PLEKHA5: variants seen among roughly 807,000 people sequenced by gnomAD.
PLEKHA5 encodes pleckstrin homology domain-containing family A member 5.
Under a neutral mutation model 181.9 loss-of-function variants are expected in PLEKHA5, and 55 were observed. That is an observed-to-expected ratio of 0.30 (90% CI 0.24 to 0.38). PLEKHA5 has a LOEUF of 0.38. Among genes scored for constraint, PLEKHA5 ranks in the 10% least tolerant of loss-of-function variants. The pLI is 1.00. For synonymous variants in PLEKHA5, 535 were observed against 529.4 expected, an observed-to-expected ratio of 1.01 and a Z score of -0.15; for missense variants, 1,432 against 1,549.5, an observed-to-expected ratio of 0.92 and a Z score of 1.27.
chr12:19,189,818 T>C (rs1423174184), intron 3 of PLEKHA5, among the ~76,000 whole-genome samples: 1 of 152,174 alleles, frequency 6.6e-6, no homozygotes, highest in Non-Finnish European at 1.5e-5. Context: ...ATAACTCCTT[T>C]CTGAAAAACT....
intron 3 of PLEKHA5, among the ~76,000 whole-genome samples, chr12:19,188,308 C>T (rs964410009): frequency 6.6e-6 from 1 of 152,132 alleles, no homozygotes; most frequent in African/African-American, 2.4e-5. Flanking sequence ...CTCCTACCTT[C>T]CCCCAAAATT....
intron 3 of PLEKHA5, among the ~76,000 whole-genome samples, chr12:19,143,426 A>G (rs901870366): frequency 6.6e-6 from 1 of 152,168 alleles, no homozygotes; most frequent in African/African-American, 2.4e-5. Flanking sequence ...TATAGAAGCA[A>G]TTCATTTTTA....
chr12:19,281,776 TG>T lies in PLEKHA5; in HGVS notation c.1314-1503del, dbSNP rs2076211998. ...TGTTTATCAAAGTGGTTTTTGTTGT[TG>T]TTGTTGTTGTTGTTGTTGTTTTGAG... On this transcript the variant is annotated intron_variant, in intron 11 of 31. Coordinates refer to ENST00000429027, the MANE Select transcript of PLEKHA5 (RefSeq NM_001256470.2). 2.0e-5 allele frequency among the ~76,000 whole-genome samples: 3 copies of T among 151,206 alleles called. No homozygotes were observed. In the South Asian group the frequency reaches 6.3e-4, roughly 32 times the overall value.
At chr12:19,147,656 AG>A (rs2039281046) in intron 3 of PLEKHA5, among the ~76,000 whole-genome samples, 1 of 151,606 alleles carries the variant, frequency 6.6e-6, no homozygotes, top group African/African-American at 2.4e-5. Context: ...TTACCAGTAA[AG>A]GGGGATGGTG....
chr12:19,280,375 ATT>A (rs2075790508), intron 11 of PLEKHA5, among the ~76,000 whole-genome samples: 1 of 152,084 alleles, frequency 6.6e-6, no homozygotes, highest in African/African-American at 2.4e-5. Flanking sequence ...GTATTTGTGC[ATT>A]GTTACTGACA....
At chr12:19,170,261 TG>T (rs531790823) in intron 3 of PLEKHA5, among the ~76,000 whole-genome samples, 38 of 152,326 alleles carry the variant, frequency 2.5e-4, no homozygotes, top group South Asian at 1.2e-3. Context: ...TTATATGGAA[TG>T]TTTTTTTTCT....
intron 29 of PLEKHA5, among the ~76,000 whole-genome samples, chr12:19,362,751 C>A (rs1485644891): frequency 1.3e-5 from 2 of 151,746 alleles, no homozygotes; most frequent in African/African-American, 4.9e-5. Context: ...CAGAGCAAGA[C>A]CCTGTCTCAA....
intron 15 of PLEKHA5, chr12:19,303,410 T>C (rs1459473614): frequency 6.6e-6 from 1 of 152,220 alleles, no homozygotes; most frequent in Non-Finnish European, 1.5e-5. Flanking sequence ...TCCTATTTTT[T>C]CTGAGTTCAG....
chr12:19,307,107 T>G, intron 15 of PLEKHA5: 1 of 985,986 alleles, frequency 1.0e-6, no homozygotes, highest in South Asian at 1.3e-5. Context: ...TGAGCACTGT[T>G]GGTCCCAAGT....
At chr12:19,193,138 A>C (rs1379437849) in intron 3 of PLEKHA5, among the ~76,000 whole-genome samples, 4 of 152,242 alleles carry the variant, frequency 2.6e-5, no homozygotes, top group Non-Finnish European at 4.4e-5. Context: ...TATGAGGTGC[A>C]TAAATCCAAG....
At chr12:19,353,591 T>C (rs186370918) in intron 25 of PLEKHA5, among the ~76,000 whole-genome samples, 1 of 152,084 alleles carries the variant, frequency 6.6e-6, no homozygotes, top group Non-Finnish European at 1.5e-5. Context: ...TCCCGAGTAG[T>C]TGGGATTACA....
intron 23 of PLEKHA5, 63 bp from the exon 24 acceptor site, chr12:19,346,931 G>T (rs1046641501): frequency 5.2e-5 from 55 of 1,066,576 alleles, no homozygotes; most frequent in Non-Finnish European, 7.0e-5. Context: ...CCATTGCAAA[G>T]AATTTAGATA....
At chr12:19,224,613 T>G (rs1214359902) in intron 3 of PLEKHA5, among the ~76,000 whole-genome samples, 3 of 152,172 alleles carry the variant, frequency 2.0e-5, no homozygotes, top group Non-Finnish European at 4.4e-5. Flanking sequence ...TTGGAGAGTT[T>G]AATGAAATAT....
At chr12:19,357,031 A>ATGTC in intron 26 of PLEKHA5, among the ~76,000 whole-genome samples, 1 of 151,782 alleles carries the variant, frequency 6.6e-6, no homozygotes, top group Middle Eastern at 3.4e-3. Context: ...GAGAAAGAAA[A>ATGTC]TAGAGGTGTT....
At chr12:19,237,814 T>G (rs1472452908) in intron 3 of PLEKHA5, among the ~76,000 whole-genome samples, 1 of 151,956 alleles carries the variant, frequency 6.6e-6, no homozygotes, top group Non-Finnish European at 1.5e-5. Context: ...CTATGTAAAT[T>G]GATTTTGTTG....
intron 8 of PLEKHA5, among the ~76,000 whole-genome samples, chr12:19,267,892 G>T (rs11044470): frequency 2.6e-5 from 4 of 151,046 alleles, no homozygotes; most frequent in African/African-American, 9.7e-5. Context: ...CCTGGGAGGC[G>T]GAGGTTGCAG....
intron 3 of PLEKHA5, among the ~76,000 whole-genome samples, chr12:19,162,248 T>TA (rs1224086141): frequency 2.0e-5 from 3 of 152,134 alleles, no homozygotes; most frequent in African/African-American, 7.2e-5. Flanking sequence ...TTTCAGTGGA[T>TA]AGTAGAGATA....
In PLEKHA5 at chr12:19,226,545, C is replaced by T. The variant is rs143352009; in HGVS notation, c.228-27395C>T. Among the ~76,000 whole-genome samples the T allele has an allele frequency of 3.0e-3, 460 of 152,282 alleles. 2 individuals are homozygous for T. Among genetic ancestry groups the T allele is most frequent in the African/African-American group, 0.011 (444 of 41,568 alleles). On this transcript the variant is annotated intron_variant, in intron 3 of 31. Coordinates refer to ENST00000429027, the MANE Select transcript of PLEKHA5 (RefSeq NM_001256470.2). ...CCATAGCACCTGCACCATTTACATT[C>T]CTGTCAACACTAAATATTTATGCTG...
At chr12:19,155,296 G>A (rs1223650280) in intron 3 of PLEKHA5, among the ~76,000 whole-genome samples, 1 of 152,142 alleles carries the variant, frequency 6.6e-6, no homozygotes, top group Non-Finnish European at 1.5e-5. Context: ...TGACCATGAG[G>A]TTACATCAAA....
Sources: gnomAD v4.1 joint callset for allele counts (sites outside exome capture counted in the v4.1 genomes callset) on GRCh38, gnomAD v4.1.1 for gene constraint, MANE v1.5 for transcripts, NCBI Gene and HGNC (gene_info 2026-07-23, HGNC 2026-07-21) for gene names.